Variants in CDK19 observed in about 807,000 individuals in gnomAD.
The protein encoded by CDK19 is cyclin-dependent kinase 19.
CDK19 carries 20 observed loss-of-function variants against 68.3 expected under a neutral mutation model. The ratio of observed to expected loss-of-function variants is 0.29; its 90% CI spans 0.21 to 0.43. The LOEUF is 0.43. CDK19 is among the 20% of genes least tolerant of loss of function. The pLI is 1.00. For synonymous variants in CDK19, 221 were observed against 222.8 expected (o/e 0.99, Z 0.07); for missense variants, 339 against 623.5 (o/e 0.54, Z 4.86).
intron 2 of CDK19, among the ~76,000 whole-genome samples, chr6:110,735,323 C>A (rs894998110): frequency 2.6e-5 from 4 of 152,028 alleles, no homozygotes; most frequent in African/African-American, 9.7e-5. Context: ...CAAAAAAAAA[C>A]TTTATCAAAA....
chr6:110,626,342 A>G (rs1006343404), intron 8 of CDK19, among the ~76,000 whole-genome samples: 1 of 152,216 alleles, frequency 6.6e-6, no homozygotes, highest in Admixed American at 6.5e-5. Flanking sequence ...TGTTTTTTAA[A>G]AAGATTAATT....
At chr6:110,673,904 C>T (rs1249751931) in intron 2 of CDK19, among the ~76,000 whole-genome samples, 3 of 152,052 alleles carry the variant, frequency 2.0e-5, no homozygotes, top group African/African-American at 7.2e-5. Flanking sequence ...CCTAGGTCTC[C>T]TTTCCATATG....
intron 2 of CDK19, among the ~76,000 whole-genome samples, chr6:110,717,946 C>A (rs371461726): frequency 5.9e-5 from 9 of 152,222 alleles, no homozygotes; most frequent in African/African-American, 2.2e-4. Context: ...GGTGATCTGC[C>A]CGCCTCGGCC....
intron 4 of CDK19, among the ~76,000 whole-genome samples, chr6:110,639,147 G>T (rs1582744120): frequency 6.6e-6 from 1 of 152,110 alleles, no homozygotes; most frequent in African/African-American, 2.4e-5. Context: ...AACATGATCA[G>T]CATTCAACAA....
At chr6:110,810,864 A>C (rs1021898423) in intron 1 of CDK19, among the ~76,000 whole-genome samples, 1 of 151,898 alleles carries the variant, frequency 6.6e-6, no homozygotes, top group Admixed American at 6.6e-5. Context: ...TGTCCTGTAT[A>C]TGTGATAATT....
chr6:110,655,910 T>C (rs1176770978), intron 4 of CDK19, among the ~76,000 whole-genome samples: 2 of 152,200 alleles, frequency 1.3e-5, no homozygotes, highest in Non-Finnish European at 2.9e-5. Context: ...CACCATAATC[T>C]GGTCCTCTTT....
chr6:110,734,161 TACC>T (rs1026057272), intron 2 of CDK19, among the ~76,000 whole-genome samples: 3 of 152,018 alleles, frequency 2.0e-5, no homozygotes, highest in Non-Finnish European at 4.4e-5. Context: ...AGGCACCCGC[TACC>T]ACGTCAGGCT....
At position 110,815,469 on chromosome 6, in the gene CDK19, T is replaced by C. The variant is rs573700099; in HGVS notation, c.-333A>G. 1 of 197,780 alleles carries C rather than the reference T, an allele frequency of 5.1e-6. No individual in the cohort carries two copies. The highest frequency in any genetic ancestry group is 1.0e-5 in the Non-Finnish European group (1 of 98,592). 12.3% of individuals were successfully genotyped at this position (197,780 alleles called of 1,614,324 possible). ...TCCTCGAGCTCATTAGCGAACTCAC[T>C]GGCCCGCCCCATGGTCGCGGAGGCT... is the stretch of plus-strand genomic sequence containing the variant. On this transcript the variant is annotated 5_prime_UTR_variant, in exon 1 of 13. Transcript: ENST00000368911.
chr6:110,665,035 G>A (rs763619000), intron 4 of CDK19, among the ~76,000 whole-genome samples: 2 of 152,180 alleles, frequency 1.3e-5, no homozygotes, highest in South Asian at 4.1e-4. Context: ...AAATTTTAAA[G>A]GCAGTTAAAG....
intron 1 of CDK19, among the ~76,000 whole-genome samples, chr6:110,810,128 T>C (rs976173587): frequency 6.6e-6 from 1 of 152,208 alleles, no homozygotes; most frequent in Non-Finnish European, 1.5e-5. Context: ...CAGAAGTATA[T>C]AGCTTAAATG....
At chr6:110,654,459 G>A (rs1781171859) in intron 4 of CDK19, among the ~76,000 whole-genome samples, 1 of 152,128 alleles carries the variant, frequency 6.6e-6, no homozygotes, top group Non-Finnish European at 1.5e-5. Flanking sequence ...CTTCCTAGAG[G>A]GCAGGGAGAG....
At chr6:110,716,219 G>A (rs893874605) in intron 2 of CDK19, among the ~76,000 whole-genome samples, 1 of 151,978 alleles carries the variant, frequency 6.6e-6, no homozygotes, top group Non-Finnish European at 1.5e-5. Context: ...GGATGCTCAA[G>A]TATAAGGAAA....
At chr6:110,639,890 G>C (rs1006534347) in intron 4 of CDK19, among the ~76,000 whole-genome samples, 9 of 152,102 alleles carry the variant, frequency 5.9e-5, no homozygotes, top group Non-Finnish European at 1.2e-4. Flanking sequence ...AGTGGAAAAA[G>C]GATATGACCA....
At chr6:110,769,128 C>G (rs1290459378) in intron 1 of CDK19, among the ~76,000 whole-genome samples, 2 of 117,302 alleles carry the variant, frequency 1.7e-5, no homozygotes, top group Non-Finnish European at 3.2e-5. Flanking sequence ...GCATTCCAGA[C>G]TGGGTGACAG....
intron 1 of CDK19, among the ~76,000 whole-genome samples, chr6:110,758,056 G>C (rs544057830): frequency 6.6e-6 from 1 of 152,130 alleles, no homozygotes; most frequent in Non-Finnish European, 1.5e-5. Flanking sequence ...GCTGTGCATG[G>C]TGGTGCTCAC....
rs1248538058 is a variant in CDK19, at chr6:110,611,400, T to C, written c.*3135A>G. 2 of 152,218 alleles carry C rather than the reference T, an allele frequency of 1.3e-5. No homozygotes were observed. Among genetic ancestry groups the C allele is most frequent in the Non-Finnish European group, 2.9e-5 (2 of 68,056 alleles). The allele number at this position is 152,218 out of a possible 1,614,324, so 9.4% of individuals were successfully genotyped here. On this transcript the variant is annotated 3_prime_UTR_variant, in exon 13 of 13. Transcript: ENST00000368911. The stretch of plus-strand genomic sequence containing the variant: ...AAATTTCAAAGAGAAATGCCATCAT[T>C]TGGGGACCACAAAGGTAAAGTTTGC...
At chr6:110,770,528 C>T (rs1331160787) in intron 1 of CDK19, among the ~76,000 whole-genome samples, 2 of 152,178 alleles carry the variant, frequency 1.3e-5, no homozygotes, top group Non-Finnish European at 2.9e-5. Flanking sequence ...CATCCCACAA[C>T]ATGTGGGAAT....
Position 110,794,497 on chromosome 6 carries a change from G to A in CDK19, c.128+20512C>T, listed in dbSNP as rs9400417. On this transcript the variant is annotated intron_variant, in intron 1 of 12. Transcript: ENST00000368911. Reference sequence around the variant, plus strand: ...GCTCACTGCAACCTCTGCCTCCCAGGTTCAAGTGATTCTCCTGCCTCAGCC... The same window carrying A: ...GCTCACTGCAACCTCTGCCTCCCAGATTCAAGTGATTCTCCTGCCTCAGCC... 0.035 allele frequency among the ~76,000 whole-genome samples: 5,365 copies of A among 151,310 alleles called. 426 individuals carry two copies. The East Asian group carries it at 0.35, about 10-fold the overall frequency.
intron 4 of CDK19, among the ~76,000 whole-genome samples, chr6:110,639,655 A>G (rs1206130366): frequency 6.6e-6 from 1 of 152,244 alleles, no homozygotes; most frequent in African/African-American, 2.4e-5. Context: ...ATTAAACTGG[A>G]TTACTTTAAA....
Sources: allele counts gnomAD v4.1 joint callset (sites outside exome capture counted in the v4.1 genomes callset), GRCh38; gene constraint gnomAD v4.1.1; transcripts MANE v1.5; gene names NCBI Gene and HGNC (gene_info 2026-07-23, HGNC 2026-07-21).